BRD10: variants seen among roughly 807,000 people sequenced by gnomAD.
BRD10 encodes the protein bromodomain containing 10, also known as uncharacterized bromodomain-containing protein 10.
chr9:5,995,922 A>G, the BRD10 span, among the ~76,000 whole-genome samples: 12 of 152,252 alleles, frequency 7.9e-5, no homozygotes, highest in Admixed American at 7.2e-4. Context: ...ATTCAGGCTG[A>G]AACAATGATA....
the BRD10 span, among the ~76,000 whole-genome samples, chr9:5,907,878 G>A: frequency 1.3e-5 from 2 of 152,276 alleles, no homozygotes; most frequent in Admixed American, 6.5e-5. Context: ...ACTTGAACCC[G>A]GGAGGTGGAG....
the BRD10 span, among the ~76,000 whole-genome samples, chr9:5,960,661 C>T: frequency 6.6e-6 from 1 of 151,844 alleles, no homozygotes; most frequent in Non-Finnish European, 1.5e-5. Context: ...ACACCATAAG[C>T]TTTTTGTAAC....
the BRD10 span, among the ~76,000 whole-genome samples, chr9:5,885,658 C>T: frequency 6.6e-6 from 1 of 152,208 alleles, no homozygotes; most frequent in Non-Finnish European, 1.5e-5. Flanking sequence ...CAGGCATGAG[C>T]CACCGCACCC....
chr9:5,952,979 T>C, the BRD10 span, among the ~76,000 whole-genome samples: 1 of 152,202 alleles, frequency 6.6e-6, no homozygotes, highest in African/African-American at 2.4e-5. Context: ...AAAAATATTC[T>C]ATTCTACAGT....
chr9:5,957,152 TTAG>T, the BRD10 span, among the ~76,000 whole-genome samples: 1 of 152,140 alleles, frequency 6.6e-6, no homozygotes, highest in Non-Finnish European at 1.5e-5. Context: ...TGTCAGATAC[TTAG>T]TAAAGTGGTC....
the BRD10 span, chr9:5,922,965 C>A: frequency 7.4e-6 from 12 of 1,613,996 alleles, no homozygotes; most frequent in Non-Finnish European, 1.0e-5. Context: ...ATATTCTTTG[C>A]AAGCAAAGCC....
chr9:5,947,314 T>C, the BRD10 span, among the ~76,000 whole-genome samples: 12 of 152,246 alleles, frequency 7.9e-5, no homozygotes, highest in South Asian at 2.5e-3. Context: ...TTTCCAGGTA[T>C]TGCCTGCAAA....
At chr9:6,001,994 A>C in the BRD10 span, among the ~76,000 whole-genome samples, 4 of 152,346 alleles carry the variant, frequency 2.6e-5, no homozygotes, top group South Asian at 4.1e-4. Flanking sequence ...ATTTGTTTTA[A>C]ACCTTTTAGA....
At chr9:5,917,877 T>C in the BRD10 span, among the ~76,000 whole-genome samples, 2 of 152,178 alleles carry the variant, frequency 1.3e-5, no homozygotes, top group Non-Finnish European at 2.9e-5. Context: ...ATTTAGTGGT[T>C]AGTTTAGGTC....
chr9:6,004,735 C>T, the BRD10 span, among the ~76,000 whole-genome samples: 40 of 152,182 alleles, frequency 2.6e-4, no homozygotes, highest in Admixed American at 2.2e-3. Context: ...GAAAATCACA[C>T]TCCCATGAAC....
At chr9:5,961,725 C>T in the BRD10 span, among the ~76,000 whole-genome samples, 23,529 of 151,886 alleles carry the variant, frequency 0.15, 1,964 homozygotes, top group Middle Eastern at 0.23. Context: ...AGGAACAGGC[C>T]TAAATGAGTA....
chr9:5,900,387 T>C, the BRD10 span, among the ~76,000 whole-genome samples: 10 of 152,294 alleles, frequency 6.6e-5, no homozygotes, highest in African/African-American at 2.4e-4. Context: ...TAAATTAATA[T>C]TAAAATCTTA....
the BRD10 span, among the ~76,000 whole-genome samples, chr9:5,962,205 A>G: frequency 6.6e-6 from 1 of 151,692 alleles, no homozygotes; most frequent in Non-Finnish European, 1.5e-5. Context: ...AATAGACACA[A>G]TAAAAAATGA....
the BRD10 span, among the ~76,000 whole-genome samples, chr9:5,943,352 T>C: frequency 1.3e-5 from 2 of 152,140 alleles, no homozygotes; most frequent in South Asian, 2.1e-4. Flanking sequence ...TAATTTATAA[T>C]ATGGGAATAA....
the BRD10 span, among the ~76,000 whole-genome samples, chr9:5,917,649 C>CAA: frequency 2.0e-5 from 3 of 152,156 alleles, no homozygotes; most frequent in African/African-American, 7.2e-5. Context: ...GTCAGGAGTT[C>CAA]GAGACCAGCC....
the BRD10 span, among the ~76,000 whole-genome samples, chr9:5,896,553 C>T: frequency 1.3e-5 from 2 of 152,186 alleles, no homozygotes; most frequent in African/African-American, 4.8e-5. Flanking sequence ...TTAAACCTTG[C>T]TTCTCCTGTA....
At chr9:5,952,845 G>A in the BRD10 span, among the ~76,000 whole-genome samples, 5 of 152,072 alleles carry the variant, frequency 3.3e-5, no homozygotes, top group African/African-American at 9.7e-5. Flanking sequence ...ACAAGAAGTG[G>A]TATAAAGGCC....
At chr9:5,921,575 A>G in the BRD10 span, 6,866 of 1,613,992 alleles carry the variant, frequency 4.3e-3, 19 homozygotes, top group Non-Finnish European at 5.2e-3. Context: ...TGATACCAGC[A>G]TAAGTTTCTG....
the BRD10 span, among the ~76,000 whole-genome samples, chr9:6,002,937 G>A: frequency 6.6e-6 from 1 of 151,998 alleles, no homozygotes; most frequent in East Asian, 1.9e-4. Flanking sequence ...CACCCGCCTC[G>A]GCCTCCCTAA....
Sources: allele counts gnomAD v4.1 joint callset (sites outside exome capture counted in the v4.1 genomes callset), GRCh38; gene constraint gnomAD v4.1.1; transcripts MANE v1.5; gene names NCBI Gene and HGNC (gene_info 2026-07-23, HGNC 2026-07-21).